STAC: variants seen among roughly 807,000 people sequenced by gnomAD.
STAC encodes the protein SH3 and cysteine rich domain.
STAC carries 43 observed loss-of-function variants against 48.8 expected under a neutral mutation model. The observed-to-expected ratio is 0.88, with a 90% CI of 0.69 to 1.14. STAC has a LOEUF of 1.14. Ranked by LOEUF, STAC falls within the 50% of genes most tolerant of loss-of-function variation. The pLI, the probability that STAC is intolerant of heterozygous loss-of-function variation, is 0.00. For synonymous variants in STAC, 193 were observed against 179.5 expected (o/e 1.07, Z -0.60); for missense variants, 497 against 504.0 (o/e 0.99, Z 0.13).
intron 2 of STAC, among the ~76,000 whole-genome samples, chr3:36,449,418 T>C (rs1339589297): frequency 6.6e-6 from 1 of 152,198 alleles, no homozygotes; most frequent in Non-Finnish European, 1.5e-5. Flanking sequence ...CAGAGAGAAT[T>C]TCTAACACTC....
intron 1 of STAC, among the ~76,000 whole-genome samples, chr3:36,391,204 C>A (rs2125616442): frequency 6.6e-6 from 1 of 152,294 alleles, no homozygotes; most frequent in Non-Finnish European, 1.5e-5. Flanking sequence ...CCCTTGCTCC[C>A]TCTTTCAATC....
At chr3:36,473,016 A>G (rs114506731) in intron 2 of STAC, among the ~76,000 whole-genome samples, 16,282 of 152,248 alleles carry the variant, frequency 0.11, 940 homozygotes, top group Non-Finnish European at 0.12. Context: ...TGGAAACAAA[A>G]AGAGATTTAA....
At chr3:36,525,285 G>A (rs1046569908) in intron 8 of STAC, among the ~76,000 whole-genome samples, 2 of 152,104 alleles carry the variant, frequency 1.3e-5, no homozygotes, top group African/African-American at 4.8e-5. Context: ...TCTGATCCTG[G>A]TGGAGCTCTT....
chr3:36,486,396 T>A (rs1263818565), intron 5 of STAC, 147 bp downstream of exon 5: 2 of 610,210 alleles, frequency 3.3e-6, no homozygotes, highest in Non-Finnish European at 5.6e-6. Context: ...AAACCCAAAG[T>A]GCTTTGAGCC....
At chr3:36,418,494 T>G (rs906501150) in intron 1 of STAC, among the ~76,000 whole-genome samples, 9 of 152,228 alleles carry the variant, frequency 5.9e-5, no homozygotes, top group Middle Eastern at 3.4e-3. Flanking sequence ...TGTTTAATCA[T>G]CTATTCTGAG....
intron 2 of STAC, among the ~76,000 whole-genome samples, chr3:36,471,816 C>T (rs978267424): frequency 3.3e-5 from 5 of 152,158 alleles, no homozygotes; most frequent in African/African-American, 1.2e-4. Context: ...ACCCTCCCTC[C>T]CAGCTGCTTT....
chr3:36,493,865 C>T (rs1698060699), intron 6 of STAC, among the ~76,000 whole-genome samples: 1 of 152,110 alleles, frequency 6.6e-6, no homozygotes, highest in Admixed American at 6.5e-5. Flanking sequence ...AAAGAGCCAC[C>T]TCTGGCCGGG....
At chr3:36,407,248 C>A (rs555430644) in intron 1 of STAC, among the ~76,000 whole-genome samples, 1 of 152,064 alleles carries the variant, frequency 6.6e-6, no homozygotes, top group South Asian at 2.1e-4. Flanking sequence ...CTTGTCTTAT[C>A]AAAACAAAAC....
chr3:36,525,761 C>A (rs752165574), intron 8 of STAC, among the ~76,000 whole-genome samples: 23 of 151,988 alleles, frequency 1.5e-4, no homozygotes, highest in Non-Finnish European at 2.8e-4. Context: ...TGATTTTCAG[C>A]CACCTCGCTT....
At chr3:36,467,130 ATGTGG>A (rs1697200066) in intron 2 of STAC, among the ~76,000 whole-genome samples, 1 of 151,966 alleles carries the variant, frequency 6.6e-6, no homozygotes, top group South Asian at 2.1e-4. Flanking sequence ...AATTCTGTTT[ATGTGG>A]TGTATCACAT....
chr3:36,397,717 C>T (rs992203183), intron 1 of STAC, among the ~76,000 whole-genome samples: 2 of 152,174 alleles, frequency 1.3e-5, no homozygotes, highest in African/African-American at 2.4e-5. Flanking sequence ...AATCTTCCTT[C>T]CAGGAGGAAT....
intron 1 of STAC, among the ~76,000 whole-genome samples, chr3:36,404,803 C>T (rs1700059880): frequency 6.6e-6 from 1 of 151,924 alleles, no homozygotes. Context: ...AGTAAGTTCA[C>T]AGAAATGTTT....
At chr3:36,531,212 G>A (rs1046668142) in intron 10 of STAC, among the ~76,000 whole-genome samples, 70 of 152,134 alleles carry the variant, frequency 4.6e-4, no homozygotes, top group Non-Finnish European at 4.4e-5. Flanking sequence ...CATGAATACA[G>A]TAATTCCATT....
intron 10 of STAC, among the ~76,000 whole-genome samples, chr3:36,532,147 G>A (rs1470994130): frequency 3.9e-5 from 6 of 151,910 alleles, no homozygotes; most frequent in East Asian, 1.9e-4. Flanking sequence ...TTGCTATATC[G>A]AATTACATTA....
At chr3:36,472,491 C>T (rs1230665932) in intron 2 of STAC, among the ~76,000 whole-genome samples, 6 of 152,304 alleles carry the variant, frequency 3.9e-5, no homozygotes, top group Admixed American at 3.3e-4. Context: ...TAGCATAGTG[C>T]GGCTGCACAT....
chr3:36,412,642 C>T (rs57768002), intron 1 of STAC, among the ~76,000 whole-genome samples: 3,533 of 152,196 alleles, frequency 0.023, 58 homozygotes, highest in East Asian at 0.026. Context: ...CTGTAAATTT[C>T]TGTGTGGCAT....
At position 36,486,213 on chromosome 3, in the gene STAC, C is replaced by T. The variant is rs1037242144; in HGVS notation, c.651C>T (p.Ser217=). 1.9e-6 allele frequency: 3 copies of T among 1,613,914 alleles called. No homozygotes were observed. The African/African-American group carries it at 4.0e-5, about 22-fold the overall frequency. Residue 217 remains serine, a synonymous_variant, in exon 5 of 11, where the codon AGC becomes AGT. Coordinates refer to ENST00000273183, the MANE Select transcript of STAC (RefSeq NM_003149.3). Reference sequence around the variant, plus strand: ...TGGCCCAGAGGACAAAGAAGGGCAGCTCCGGCAGTGGCTCTGACTCACCTC... The same window carrying T: ...TGGCCCAGAGGACAAAGAAGGGCAGTTCCGGCAGTGGCTCTGACTCACCTC... ...TSLAQRTKKG[S]SGSGSDSPHR... is the part of the protein sequence containing the mutation.
chr3:36,520,980 T>C (rs1698787742), intron 8 of STAC, among the ~76,000 whole-genome samples: 1 of 151,796 alleles, frequency 6.6e-6, no homozygotes, highest in Non-Finnish European at 1.5e-5. Context: ...AATTCAGGAG[T>C]TCCTTATTAC....
chr3:36,497,387 T>G (rs1219894571), intron 6 of STAC, among the ~76,000 whole-genome samples: 1 of 152,140 alleles, frequency 6.6e-6, no homozygotes, highest in Admixed American at 6.5e-5. Context: ...AGTTAATGCA[T>G]GGCTGAGCTG....
Sources: gnomAD v4.1 joint callset for allele counts (sites outside exome capture counted in the v4.1 genomes callset) on GRCh38, gnomAD v4.1.1 for gene constraint, MANE v1.5 for transcripts, NCBI Gene and HGNC (gene_info 2026-07-23, HGNC 2026-07-21) for gene names.